PPM1E: variants seen among roughly 807,000 people sequenced by gnomAD.
PPM1E encodes the protein protein phosphatase, Mg2+/Mn2+ dependent 1E.
A neutral mutation model predicts 65.9 loss-of-function variants in PPM1E; 20 were observed. That is an observed-to-expected ratio of 0.30 (90% CI 0.21 to 0.44). PPM1E has a LOEUF of 0.44. Ranked by LOEUF, PPM1E falls within the 20% of genes least tolerant of loss-of-function variation. The pLI is 1.00. For synonymous variants in PPM1E, 352 were observed against 374.9 expected, an observed-to-expected ratio of 0.94 and a Z score of 0.70; for missense variants, 713 against 953.1, an observed-to-expected ratio of 0.75 and a Z score of 3.32.
intron 1 of PPM1E, among the ~76,000 whole-genome samples, chr17:58,897,376 T>C (rs1049246467): frequency 6.7e-6 from 1 of 150,184 alleles, no homozygotes; most frequent in African/African-American, 2.5e-5. Flanking sequence ...ATTGCGCCAC[T>C]GCACTCCAGC....
chr17:58,781,793 G>A (rs955908434), intron 1 of PPM1E, among the ~76,000 whole-genome samples: 12 of 151,998 alleles, frequency 7.9e-5, no homozygotes, highest in African/African-American at 2.9e-4. Context: ...GGCTGAGGCA[G>A]GAGAATCACT....
At chr17:58,758,167 C>T (rs1482365656) in intron 1 of PPM1E, among the ~76,000 whole-genome samples, 1 of 151,846 alleles carries the variant, frequency 6.6e-6, no homozygotes, top group East Asian at 1.9e-4. Flanking sequence ...CAACCCTGAA[C>T]ATTTGCCATG....
intron 1 of PPM1E, among the ~76,000 whole-genome samples, chr17:58,861,942 A>C (rs570424489): frequency 9.2e-5 from 14 of 152,148 alleles, no homozygotes; most frequent in Admixed American, 3.9e-4. Context: ...AAAATACATA[A>C]ATAAATAAAA....
At chr17:58,798,541 T>C (rs1053225529) in intron 1 of PPM1E, among the ~76,000 whole-genome samples, 70 of 151,142 alleles carry the variant, frequency 4.6e-4, no homozygotes, top group African/African-American at 1.7e-3. Context: ...TTTTTTTTTT[T>C]TTTTTTACGC....
chr17:58,965,952 GTCCT>G, intron 3 of PPM1E, 59 bp downstream of exon 3: 2 of 1,513,656 alleles, frequency 1.3e-6, no homozygotes, highest in Admixed American at 3.5e-5. Flanking sequence ...CACCTTCATG[GTCCT>G]GTTAGAAAAG....
intron 1 of PPM1E, among the ~76,000 whole-genome samples, chr17:58,953,087 C>G (rs2052262673): frequency 6.6e-6 from 1 of 152,156 alleles, no homozygotes; most frequent in Non-Finnish European, 1.5e-5. Flanking sequence ...CCAATATACC[C>G]AATATGGTGT....
intron 1 of PPM1E, among the ~76,000 whole-genome samples, chr17:58,794,478 G>T (rs2050187019): frequency 6.6e-6 from 1 of 152,134 alleles, no homozygotes; most frequent in South Asian, 2.1e-4. Context: ...ATTGCGTGTT[G>T]TGGGGTTTGG....
chr17:58,965,628 C>T lies in PPM1E; in HGVS notation c.584-66C>T, dbSNP rs1398320341. 3 of 1,498,490 alleles carry T rather than the reference C, an allele frequency of 2.0e-6. No individual in the cohort carries two copies. In the East Asian group the frequency reaches 6.8e-5, roughly 34 times the overall value. 92.8% of individuals were successfully genotyped at this position (1,498,490 alleles called of 1,614,324 possible). On this transcript the variant is annotated intron_variant, in intron 2 of 6. Coordinates refer to ENST00000308249, the MANE Select transcript of PPM1E (RefSeq NM_014906.5). ...TAAGGTGACCTACTTCTGTCTTTAC[C>T]AAGCAGAGAAGTGAAAAGCAGTTTT... is the stretch of plus-strand genomic sequence containing the variant.
At chr17:58,955,291 G>A (rs2029868598) in intron 1 of PPM1E, among the ~76,000 whole-genome samples, 1 of 152,166 alleles carries the variant, frequency 6.6e-6, no homozygotes, top group Non-Finnish European at 1.5e-5. Flanking sequence ...CTTGAACCCG[G>A]GAGGCAGAGG....
At chr17:58,797,984 G>A (rs1479889334) in intron 1 of PPM1E, among the ~76,000 whole-genome samples, 1 of 152,172 alleles carries the variant, frequency 6.6e-6, no homozygotes, top group African/African-American at 2.4e-5. Flanking sequence ...TCGTGGGCAT[G>A]TAATAGTATC....
chr17:58,892,820 T>C (rs1037366757), intron 1 of PPM1E, among the ~76,000 whole-genome samples: 1 of 152,142 alleles, frequency 6.6e-6, no homozygotes, highest in Admixed American at 6.5e-5. Flanking sequence ...ACAGACACTT[T>C]ACCAAAACAA....
At chr17:58,915,755 A>G (rs1414724836) in intron 1 of PPM1E, among the ~76,000 whole-genome samples, 2 of 152,086 alleles carry the variant, frequency 1.3e-5, no homozygotes, top group African/African-American at 4.8e-5. Context: ...TATTTAAGGG[A>G]TTTTTCAAAT....
intron 1 of PPM1E, among the ~76,000 whole-genome samples, chr17:58,923,321 T>G (rs2051778786): frequency 7.5e-6 from 1 of 134,184 alleles, no homozygotes; most frequent in African/African-American, 2.8e-5. Context: ...GAAAAGAAAA[T>G]ATTAGGTGGA....
At chr17:58,833,738 A>G (rs906994344) in intron 1 of PPM1E, among the ~76,000 whole-genome samples, 7 of 152,154 alleles carry the variant, frequency 4.6e-5, no homozygotes, top group African/African-American at 1.7e-4. Flanking sequence ...TCTTTTGGGT[A>G]TATACCCAGT....
intron 1 of PPM1E, among the ~76,000 whole-genome samples, chr17:58,779,000 A>ACACTTTTTTCC (rs2050025781): frequency 7.0e-6 from 1 of 141,872 alleles, no homozygotes; most frequent in African/African-American, 2.6e-5. Flanking sequence ...AACACTTTCA[A>ACACTTTTTTCC]GTGAGCACTT....
In PPM1E at chr17:58,756,130, T is replaced by TCCGAGCCCGAGC. The variant is rs781412388; in HGVS notation, c.138_149dup (p.Pro49_Glu52dup). ...ACCCGAACCCGAACCCGAACCCGAG[T>TCCGAGCCCGAGC]CCGAGCCCGAGCCCGAACCTGAACT... On this transcript the variant is annotated inframe_insertion, in exon 1 of 7. Coordinates refer to ENST00000308249, the MANE Select transcript of PPM1E (RefSeq NM_014906.5). 1 of 754,570 alleles carries TCCGAGCCCGAGC rather than the reference T, an allele frequency of 1.3e-6. No individual in the cohort carries two copies. Among genetic ancestry groups the TCCGAGCCCGAGC allele is most frequent in the East Asian group, 3.0e-5 (1 of 33,396 alleles). The allele number at this position is 754,570 out of a possible 1,614,324, so 46.7% of individuals were successfully genotyped here.
chr17:58,833,699 A>G (rs1213505644), intron 1 of PPM1E, among the ~76,000 whole-genome samples: 2 of 152,104 alleles, frequency 1.3e-5, no homozygotes, highest in African/African-American at 4.8e-5. Flanking sequence ...ATGCGAGTGC[A>G]TATGTCTTTT....
intron 1 of PPM1E, among the ~76,000 whole-genome samples, chr17:58,813,304 G>T (rs1347267955): frequency 6.6e-6 from 1 of 152,062 alleles, no homozygotes; most frequent in Non-Finnish European, 1.5e-5. Flanking sequence ...TCTTTCTTAT[G>T]AAAACCTCAT....
chr17:58,865,479 G>T (rs1199539364), intron 1 of PPM1E, among the ~76,000 whole-genome samples: 4 of 152,214 alleles, frequency 2.6e-5, no homozygotes, highest in Non-Finnish European at 4.4e-5. Context: ...GCAGAGGTGA[G>T]GCGGGAAGAT....
Sources: allele counts gnomAD v4.1 joint callset (sites outside exome capture counted in the v4.1 genomes callset), GRCh38; gene constraint gnomAD v4.1.1; transcripts MANE v1.5; gene names NCBI Gene and HGNC (gene_info 2026-07-23, HGNC 2026-07-21).